EGFR: variants seen among roughly 807,000 people sequenced by gnomAD.
EGFR encodes the protein avian erythroblastic leukemia viral (v-erb-b) oncogene homolog.
A neutral mutation model predicts 143.0 loss-of-function variants in EGFR; 58 were observed. The observed-to-expected ratio is 0.41, with a 90% CI of 0.33 to 0.50. The LOEUF is 0.50. EGFR is among the 20% of genes least tolerant of loss of function. The pLI, the probability that EGFR is intolerant of heterozygous loss-of-function variation, is 0.39. For missense variants in EGFR, 1,307 were observed against 1,579.0 expected (o/e 0.83, Z 2.92); for synonymous variants, 613 against 594.4 (o/e 1.03, Z -0.45).
chr7:55,070,419 G>A (rs568316565), intron 1 of EGFR, among the ~76,000 whole-genome samples: 6 of 152,206 alleles, frequency 3.9e-5, no homozygotes, highest in African/African-American at 1.2e-4. Context: ...ATTCATCTTC[G>A]GACAAATTGC....
At chr7:55,081,029 T>C (rs1419741629) in intron 1 of EGFR, among the ~76,000 whole-genome samples, 1 of 152,178 alleles carries the variant, frequency 6.6e-6, no homozygotes, top group Non-Finnish European at 1.5e-5. Context: ...AAGGTGCACA[T>C]CAAAGATTGA....
At chr7:55,188,339 C>T (rs984406242) in intron 20 of EGFR, among the ~76,000 whole-genome samples, 11 of 152,038 alleles carry the variant, frequency 7.2e-5, no homozygotes, top group African/African-American at 2.7e-4. Flanking sequence ...GTGCGGCAGC[C>T]CCTGGGAACA....
intron 1 of EGFR, among the ~76,000 whole-genome samples, chr7:55,024,520 C>A (rs914581235): frequency 5.9e-5 from 9 of 152,202 alleles, no homozygotes; most frequent in African/African-American, 2.2e-4. Context: ...ACAAGGCACC[C>A]AATGAGAATG....
chr7:55,109,738 C>G lies in EGFR; in HGVS notation c.89-32548C>G, dbSNP rs565281830. The G allele has an allele frequency of 4.9e-5, 48 of 985,378 alleles. No individual in the cohort carries two copies. In the South Asian group the frequency reaches 2.1e-3, roughly 43 times the overall value. 61.0% of individuals were successfully genotyped at this position (985,378 alleles called of 1,614,324 possible). A position where few individuals can be genotyped will look rare whatever the true frequency, so the allele number is the denominator to read the frequency against. ...GACAAATTCTATCATTCCTTTGGGC[C>G]TAGGATTGCATTTATTTCCATGACA... On this transcript the variant is annotated intron_variant, in intron 1 of 27. Coordinates refer to ENST00000275493, the MANE Select transcript of EGFR (RefSeq NM_005228.5).
In EGFR at chr7:55,210,618, A is replaced by G. The variant is rs1445907924; in HGVS notation, c.*5001A>G. 1 of 152,244 alleles carries G rather than the reference A, an allele frequency of 6.6e-6. No homozygotes were observed. The highest frequency in any genetic ancestry group is 1.5e-5 in the Non-Finnish European group (1 of 68,048). The allele number at this position is 152,244 out of a possible 1,614,324, so 9.4% of individuals were successfully genotyped here. A position where few individuals can be genotyped will look rare whatever the true frequency, so the allele number is the denominator to read the frequency against. On this transcript the variant is annotated 3_prime_UTR_variant, in exon 28 of 28. Transcript: ENST00000275493. ...TGTGATTCTCAGGCCTAGAGAGCTA[A>G]GACACAAAGACCTCCACATCTGTCG...
intron 1 of EGFR, among the ~76,000 whole-genome samples, chr7:55,116,875 T>C (rs1193480291): frequency 6.6e-6 from 1 of 152,248 alleles, no homozygotes; most frequent in Non-Finnish European, 1.5e-5. Context: ...CATAGGAGAA[T>C]ACCACACTGC....
At chr7:55,109,998 A>G (rs1416789411) in intron 1 of EGFR, 53 of 958,688 alleles carry the variant, frequency 5.5e-5, no homozygotes, top group Non-Finnish European at 6.3e-5. Context: ...GAAAAATGTG[A>G]GAGATAACAG....
At position 55,208,105 on chromosome 7, in the gene EGFR, A is replaced by G. The variant is rs1788154244; in HGVS notation, c.*2488A>G. 6.6e-6 allele frequency: 1 copy of G among 152,192 alleles called. No individual in the cohort carries two copies. Among genetic ancestry groups the G allele is most frequent in the Admixed American group, 6.5e-5 (1 of 15,276 alleles). 9.4% of individuals were successfully genotyped at this position (152,192 alleles called of 1,614,324 possible). A position where few individuals can be genotyped will look rare whatever the true frequency, so the allele number is the denominator to read the frequency against. ...ATTCTAGCTTTCTTCTTCATATTTT[A>G]ATTTTCCACCATAAAGTTTAGTTGC... On this transcript the variant is annotated 3_prime_UTR_variant, in exon 28 of 28. Coordinates refer to ENST00000275493, the MANE Select transcript of EGFR (RefSeq NM_005228.5).
chr7:55,210,691 A>G lies in EGFR; in HGVS notation c.*5074A>G, dbSNP rs1562814275. 6.6e-6 allele frequency: 1 copy of G among 152,240 alleles called. No homozygotes were observed. The allele number at this position is 152,240 out of a possible 1,614,324, so 9.4% of individuals were successfully genotyped here. A position where few individuals can be genotyped will look rare whatever the true frequency, so the allele number is the denominator to read the frequency against. On this transcript the variant is annotated 3_prime_UTR_variant, in exon 28 of 28. Transcript: ENST00000275493. ...GAGTTTCCATGAAGGTTCTCCAAGC[A>G]CTAGAAGGGAGAGTGTCTAAACAAT...
At chr7:55,025,035 A>G (rs1786802251) in intron 1 of EGFR, among the ~76,000 whole-genome samples, 1 of 152,216 alleles carries the variant, frequency 6.6e-6, no homozygotes, top group African/African-American at 2.4e-5. Context: ...CAATAGCAGC[A>G]AAGTTCTTGA....
intron 1 of EGFR, among the ~76,000 whole-genome samples, chr7:55,105,643 A>G (rs1033965234): frequency 4.6e-5 from 7 of 152,198 alleles, no homozygotes; most frequent in Admixed American, 6.5e-5. Flanking sequence ...TTTAGTGCAA[A>G]TTGAGACCAC....
chr7:55,173,199 C>A (rs1203656556), intron 17 of EGFR, 75 bp downstream of exon 17: 1 of 1,583,144 alleles, frequency 6.3e-7, no homozygotes, highest in Non-Finnish European at 8.6e-7. Context: ...GAGAACGGGC[C>A]ATTAGCAGTT....
At chr7:55,200,204 A>C in intron 23 of EGFR, 112 bp from the exon 24 acceptor site, 1 of 1,051,788 alleles carries the variant, frequency 9.5e-7, no homozygotes, top group Non-Finnish European at 1.5e-6. Flanking sequence ...TGGTTCTTTC[A>C]TCACTTATTT....
At chr7:55,069,269 G>A (rs1789690004) in intron 1 of EGFR, among the ~76,000 whole-genome samples, 1 of 152,178 alleles carries the variant, frequency 6.6e-6, no homozygotes, top group African/African-American at 2.4e-5. Flanking sequence ...TGGCCCTTGA[G>A]TGCCAAACAG....
In EGFR at chr7:55,097,045, C is replaced by T. The variant is rs573519074; in HGVS notation, c.89-45241C>T. Among the ~76,000 whole-genome samples the T allele has an allele frequency of 2.8e-4, 42 of 152,284 alleles. 1 individual carries two copies. The highest frequency in any genetic ancestry group is 2.1e-3 in the South Asian group (10 of 4,824). ...GACTGAATTGAAATTGTGGCTTGCC[C>T]GAGGCTGCATACCTGTGCTCTTTCT... On this transcript the variant is annotated intron_variant, in intron 1 of 27. Transcript: ENST00000275493.
At chr7:55,174,296 TG>T (rs933956471) in intron 18 of EGFR, among the ~76,000 whole-genome samples, 2 of 152,212 alleles carry the variant, frequency 1.3e-5, no homozygotes, top group African/African-American at 4.8e-5. Flanking sequence ...GACCTTGCCA[TG>T]GGGTGCAGCA....
At chr7:55,034,865 T>A (rs1787467760) in intron 1 of EGFR, among the ~76,000 whole-genome samples, 1 of 152,222 alleles carries the variant, frequency 6.6e-6, no homozygotes, top group Non-Finnish European at 1.5e-5. Flanking sequence ...AGTTAATAAT[T>A]TATCTTATGG....
chr7:55,087,832 G>A (rs575756083), intron 1 of EGFR, among the ~76,000 whole-genome samples: 41 of 152,168 alleles, frequency 2.7e-4, no homozygotes, highest in Middle Eastern at 3.2e-3. Context: ...GGAACCAGGA[G>A]CAATGGCCTT....
chr7:55,047,928 C>A (rs577529421), intron 1 of EGFR, among the ~76,000 whole-genome samples: 23 of 152,096 alleles, frequency 1.5e-4, no homozygotes, highest in Non-Finnish European at 2.9e-4. Context: ...ACTATAACCT[C>A]TATATCTAGA....
Sources: gnomAD v4.1 joint callset for allele counts (sites outside exome capture counted in the v4.1 genomes callset) on GRCh38, gnomAD v4.1.1 for gene constraint, MANE v1.5 for transcripts, NCBI Gene and HGNC (gene_info 2026-07-23, HGNC 2026-07-21) for gene names.